Variants in HS1BP3 observed in about 807,000 individuals in gnomAD.
The protein encoded by HS1BP3 is HCLS1-binding protein 3.
Under a neutral mutation model 33.5 loss-of-function variants are expected in HS1BP3, and 32 were observed. The ratio of observed to expected loss-of-function variants is 0.95; its 90% confidence interval spans 0.72 to 1.28. The LOEUF is 1.28. Among genes scored for constraint, HS1BP3 ranks in the 50% most tolerant of loss-of-function variants. HS1BP3 has a pLI of 0.00. For synonymous variants in HS1BP3, 187 were observed against 209.2 expected (o/e 0.89, Z 0.92); for missense variants, 486 against 502.3 (o/e 0.97, Z 0.31).
intron 4 of HS1BP3, among the ~76,000 whole-genome samples, chr2:20,625,215 G>A (rs55980312): frequency 0.025 from 3,741 of 152,358 alleles, 68 homozygotes; most frequent in Non-Finnish European, 0.037. Flanking sequence ...TAAGGCCCCC[G>A]CTACTGTGGG....
downstream of HS1BP3, among the ~76,000 whole-genome samples, chr2:20,559,749 T>C (rs901137160): frequency 2.8e-5 from 4 of 145,166 alleles, no homozygotes; most frequent in Non-Finnish European, 6.1e-5. Flanking sequence ...GATGGATGGA[T>C]GATGGATAGA....
chr2:20,614,416 G>A (rs894814029), downstream of HS1BP3, among the ~76,000 whole-genome samples: 1 of 152,234 alleles, frequency 6.6e-6, no homozygotes, highest in Non-Finnish European at 1.5e-5. Context: ...GGCAGAGGGG[G>A]AAGGACAGGC....
downstream of HS1BP3, among the ~76,000 whole-genome samples, chr2:20,591,847 AG>A (rs1247926499): frequency 6.6e-6 from 1 of 152,158 alleles, no homozygotes; most frequent in African/African-American, 2.4e-5. Flanking sequence ...TACAGGCCCG[AG>A]CCACCGCACC....
downstream of HS1BP3, among the ~76,000 whole-genome samples, chr2:20,558,404 T>A (rs73235134): frequency 0.04 from 6,137 of 152,190 alleles, 407 homozygotes; most frequent in African/African-American, 0.14. Flanking sequence ...ATTTCCTCAT[T>A]TCTCATTCAT....
intron 1 of HS1BP3, among the ~76,000 whole-genome samples, chr2:20,646,957 G>A (rs1188468229): frequency 6.6e-6 from 1 of 152,252 alleles, no homozygotes; most frequent in Non-Finnish European, 1.5e-5. Flanking sequence ...AGGTGGAGCT[G>A]CGTTCAATCC....
chr2:20,630,815 G>C (rs2149295640), intron 4 of HS1BP3, among the ~76,000 whole-genome samples: 1 of 152,308 alleles, frequency 6.6e-6, no homozygotes, highest in East Asian at 1.9e-4. Flanking sequence ...GCAGAGAGAA[G>C]AGCCCATGAA....
At chr2:20,575,693 C>A (rs1448136213) in intron 5 of HS1BP3, among the ~76,000 whole-genome samples, 9 of 152,184 alleles carry the variant, frequency 5.9e-5, no homozygotes, top group Admixed American at 5.9e-4. Context: ...TATCCACGGG[C>A]CTGGCCCATG....
chr2:20,635,311 A>T (rs1695090476), intron 4 of HS1BP3: 1 of 152,276 alleles, frequency 6.6e-6, no homozygotes, highest in Admixed American at 6.5e-5. Flanking sequence ...CTTACAGCCC[A>T]TCGAGCTGAG....
downstream of HS1BP3, among the ~76,000 whole-genome samples, chr2:20,590,199 G>A (rs561045040): frequency 2.6e-4 from 39 of 152,246 alleles, no homozygotes; most frequent in South Asian, 1.4e-3. Flanking sequence ...TTGCACCCCC[G>A]GGCTCTGTGT....
rs371998609 is a variant in HS1BP3 at position 20,623,916 on chromosome 2, G to T, written c.900C>A (p.Asp300Glu). 2 of 1,612,282 alleles carry T rather than the reference G, an allele frequency of 1.2e-6. No homozygotes were observed. The highest frequency in any genetic ancestry group is 4.5e-5 in the East Asian group (2 of 44,880). The change falls in exon 6 of 7, where the codon GAC (aspartate) becomes GAA (glutamate). Residue 300 changes from aspartate to glutamate, a missense_variant. Transcript: ENST00000304031. ...GGTACCTGAACAGTTCCTTGGAGGC[G>T]TCCCTGTGGCTGAGGCTGGGTGTGG... ...GGPTPSLSHR[D>E]ASKELFRVEE...
intron 6 of HS1BP3, chr2:20,622,121 C>T (rs1363623965): frequency 6.7e-6 from 8 of 1,195,382 alleles, no homozygotes; most frequent in African/African-American, 3.2e-5. Flanking sequence ...GTACACCCCA[C>T]GCGGCCTCAG....
chr2:20,641,667 G>A (rs1695354796), intron 2 of HS1BP3, among the ~76,000 whole-genome samples: 1 of 152,190 alleles, frequency 6.6e-6, no homozygotes, highest in Admixed American at 6.5e-5. Flanking sequence ...TATTTCCAAG[G>A]CTTGTTCTCT....
intron 2 of HS1BP3, chr2:20,606,586 C>A: frequency 2.0e-6 from 1 of 489,938 alleles, no homozygotes; most frequent in South Asian, 1.6e-5. Flanking sequence ...CGGATTTGCT[C>A]ACTGGGTCTT....
At chr2:20,631,655 G>A (rs1286176803) in intron 4 of HS1BP3, among the ~76,000 whole-genome samples, 1 of 151,514 alleles carries the variant, frequency 6.6e-6, no homozygotes, top group Non-Finnish European at 1.5e-5. Context: ...CCACTCTCCT[G>A]GCCACTGAGC....
intron 5 of HS1BP3, among the ~76,000 whole-genome samples, chr2:20,583,008 G>A (rs1038390272): frequency 2.6e-5 from 4 of 152,090 alleles, no homozygotes; most frequent in African/African-American, 7.2e-5. Context: ...GGGCCTACCT[G>A]CTACTCAGCC....
chr2:20,592,309 C>G (rs1693834281), downstream of HS1BP3: 1 of 161,310 alleles, frequency 6.2e-6, no homozygotes. Context: ...CAAGGGATTC[C>G]CTGTCTGGCC....
intron 2 of HS1BP3, among the ~76,000 whole-genome samples, chr2:20,598,555 T>C (rs1693997686): frequency 8.8e-6 from 1 of 113,058 alleles, no homozygotes; most frequent in South Asian, 3.4e-4. Context: ...TTTTTTTTTT[T>C]TTTTTTTTTT....
chr2:20,568,996 G>C (rs1239440136), intron 5 of HS1BP3, among the ~76,000 whole-genome samples: 1 of 152,180 alleles, frequency 6.6e-6, no homozygotes, highest in African/African-American at 2.4e-5. Context: ...AGACTCTCTG[G>C]GGTAAGCAGA....
chr2:20,624,896 G>C lies in HS1BP3; in HGVS notation c.624-4C>G. The C allele has an allele frequency of 6.2e-7, 1 of 1,613,500 alleles. No individual in the cohort carries two copies. Among genetic ancestry groups the C allele is most frequent in the Non-Finnish European group, 8.5e-7 (1 of 1,179,970 alleles). Reference sequence around the variant, plus strand: ...ATGTTTCTTGGGCTTCTTGGAGCTGGAGAATCACAGACAAAGCACAAGGTG... The same window carrying C: ...ATGTTTCTTGGGCTTCTTGGAGCTGCAGAATCACAGACAAAGCACAAGGTG... On this transcript the variant is annotated splice_region_variant and splice_polypyrimidine_tract_variant and intron_variant, in intron 4 of 6. Transcript: ENST00000304031.
Sources: allele counts gnomAD v4.1 joint callset (sites outside exome capture counted in the v4.1 genomes callset), GRCh38; gene constraint gnomAD v4.1.1; transcripts MANE v1.5; gene names NCBI Gene and HGNC (gene_info 2026-07-23, HGNC 2026-07-21).